Variants in MTUS2 observed in about 807,000 individuals in gnomAD.
MTUS2 encodes the protein microtubule-associated tumor suppressor candidate 2.
In MTUS2, 40 loss-of-function variants were observed where a neutral mutation model predicts 114.1. The observed-to-expected ratio is 0.35, with a 90% CI of 0.27 to 0.46. The LOEUF is 0.46. Among genes scored for constraint, MTUS2 ranks in the 20% least tolerant of loss-of-function variants. The pLI, the probability that MTUS2 is intolerant of heterozygous loss-of-function variation, is 1.00. For synonymous variants in MTUS2, 688 were observed against 672.0 expected (o/e 1.02, Z -0.37); for missense variants, 1,679 against 1,705.4 (o/e 0.98, Z 0.27).
intron 6 of MTUS2, among the ~76,000 whole-genome samples, chr13:29,317,681 A>G (rs568636699): frequency 0.014 from 147 of 10,788 alleles, 49 homozygotes; most frequent in Non-Finnish European, 0.013. Context: ...CTCGTGATCC[A>G]CCCGCCTCGG....
intron 8 of MTUS2, among the ~76,000 whole-genome samples, chr13:29,402,679 C>T (rs1229608241): frequency 6.6e-6 from 1 of 152,202 alleles, no homozygotes; most frequent in East Asian, 1.9e-4. Flanking sequence ...TATTCCAGTT[C>T]TCCATGAGGT....
chr13:29,400,221 C>T (rs1305802168), intron 8 of MTUS2, among the ~76,000 whole-genome samples: 1 of 152,200 alleles, frequency 6.6e-6, no homozygotes, highest in Non-Finnish European at 1.5e-5. Flanking sequence ...GGAAAATAAT[C>T]TCAGAAAGGT....
chr13:29,332,844 C>A (rs969399785), intron 7 of MTUS2, among the ~76,000 whole-genome samples: 22 of 151,986 alleles, frequency 1.4e-4, no homozygotes, highest in Non-Finnish European at 3.2e-4. Flanking sequence ...ACTGTGTTAG[C>A]CAGGATGGTC....
intron 5 of MTUS2, among the ~76,000 whole-genome samples, chr13:29,194,033 C>G (rs1202053279): frequency 6.6e-6 from 1 of 151,176 alleles, no homozygotes; most frequent in Non-Finnish European, 1.5e-5. Context: ...GGAAAACTGG[C>G]TAGCCATATG....
chr13:29,102,532 A>G (rs1890466165), intron 5 of MTUS2, among the ~76,000 whole-genome samples: 1 of 152,192 alleles, frequency 6.6e-6, no homozygotes, highest in Admixed American at 6.5e-5. Context: ...CACCCAGGGG[A>G]TAAGAGCTGT....
chr13:29,471,611 T>A (rs989588610), intron 9 of MTUS2, among the ~76,000 whole-genome samples: 1 of 152,166 alleles, frequency 6.6e-6, no homozygotes, highest in African/African-American at 2.4e-5. Context: ...TGGTTGTTTT[T>A]AGGAAGCTAT....
chr13:29,255,105 A>G (rs562841111), intron 5 of MTUS2, among the ~76,000 whole-genome samples: 40 of 152,180 alleles, frequency 2.6e-4, no homozygotes, highest in Non-Finnish European at 4.9e-4. Context: ...CATCGGCAGT[A>G]AGTATCTCCC....
intron 4 of MTUS2, among the ~76,000 whole-genome samples, chr13:29,076,777 C>G (rs796281879): frequency 3.9e-5 from 6 of 152,298 alleles, no homozygotes; most frequent in African/African-American, 1.2e-4. Context: ...AGCCCTGATT[C>G]ACTGGTGTGA....
At chr13:29,280,658 T>C (rs940254949) in intron 5 of MTUS2, among the ~76,000 whole-genome samples, 25 of 152,206 alleles carry the variant, frequency 1.6e-4, no homozygotes, top group African/African-American at 5.8e-4. Flanking sequence ...ACTAAAATAT[T>C]GTATACTTCT....
chr13:29,059,415 A>C (rs889911430), intron 4 of MTUS2, among the ~76,000 whole-genome samples: 2 of 152,022 alleles, frequency 1.3e-5, no homozygotes, highest in Admixed American at 1.3e-4. Context: ...CAGGAGTCGC[A>C]GTTGGCAGAC....
chr13:29,447,082 A>T (rs56175728), intron 9 of MTUS2, among the ~76,000 whole-genome samples: 1 of 152,114 alleles, frequency 6.6e-6, no homozygotes, highest in African/African-American at 2.4e-5. Context: ...TAAATTAGGG[A>T]TGCTCAACTA....
intron 5 of MTUS2, among the ~76,000 whole-genome samples, chr13:29,270,684 T>A (rs1353668444): frequency 1.3e-5 from 2 of 152,238 alleles, no homozygotes; most frequent in East Asian, 1.9e-4. Context: ...ACACGCTCCC[T>A]GTGTATGGAA....
intron 9 of MTUS2, among the ~76,000 whole-genome samples, chr13:29,468,992 A>G (rs1218482126): frequency 6.6e-6 from 1 of 152,226 alleles, no homozygotes; most frequent in Non-Finnish European, 1.5e-5. Context: ...AACAGACAAT[A>G]GTGGATGTAA....
intron 5 of MTUS2, among the ~76,000 whole-genome samples, chr13:29,139,167 A>G (rs565820473): frequency 5.9e-4 from 89 of 152,126 alleles, no homozygotes; most frequent in Non-Finnish European, 1.2e-3. Context: ...GTGCTGACAC[A>G]CAGACAACCC....
At chr13:28,922,665 G>A (rs628011) in intron 2 of MTUS2, among the ~76,000 whole-genome samples, 132,858 of 152,226 alleles carry the variant, frequency 0.87, 58,219 homozygotes, top group East Asian at 0.91. Flanking sequence ...TCCCAGGTGC[G>A]TAGATTCTTC....
intron 8 of MTUS2, among the ~76,000 whole-genome samples, chr13:29,378,992 C>T (rs139369965): frequency 1.4e-3 from 208 of 152,272 alleles, no homozygotes; most frequent in African/African-American, 4.7e-3. Context: ...CTCACAAGAT[C>T]TGATGGTTTT....
intron 2 of MTUS2, among the ~76,000 whole-genome samples, chr13:28,856,996 G>A (rs1384285582): frequency 6.6e-6 from 1 of 152,176 alleles, no homozygotes; most frequent in Non-Finnish European, 1.5e-5. Flanking sequence ...ACATCTGAGC[G>A]GTTGCGCACA....
Position 29,325,489 on chromosome 13 carries a change from AG to A in MTUS2, c.2905+781del, listed in dbSNP as rs1432727464. On this transcript the variant is annotated intron_variant, in intron 7 of 15. Transcript: ENST00000612955. ...AAAAAAAGAAAAGAAGAAGAGGAAG[AG>A]GGAGGAGGAGGAGGAGGAGAAGGAG... Among the ~76,000 whole-genome samples the A allele has an allele frequency of 1.0e-4, 11 of 108,322 alleles. No homozygotes were observed. The South Asian group carries it at 2.5e-3, about 25-fold the overall frequency. The allele number at this position is 108,322 out of a possible 152,430, so 71.1% of individuals were successfully genotyped here. A position where few individuals can be genotyped will look rare whatever the true frequency, so the allele number is the denominator to read the frequency against.
intron 7 of MTUS2, among the ~76,000 whole-genome samples, chr13:29,332,826 G>A (rs1181072864): frequency 6.6e-6 from 1 of 151,838 alleles, no homozygotes; most frequent in East Asian, 1.9e-4. Flanking sequence ...TAGTAGAGAC[G>A]GGGTTTCACT....
Sources: allele counts gnomAD v4.1 joint callset (sites outside exome capture counted in the v4.1 genomes callset), GRCh38; gene constraint gnomAD v4.1.1; transcripts MANE v1.5; gene names NCBI Gene and HGNC (gene_info 2026-07-23, HGNC 2026-07-21).